Variants in AQP7B observed in about 807,000 individuals in gnomAD.
The protein encoded by AQP7B is aquaporin 7B.
the AQP7B span, among the ~76,000 whole-genome samples, chr2:94,599,914 T>C: frequency 1.3e-5 from 2 of 151,854 alleles, no homozygotes; most frequent in Non-Finnish European, 2.9e-5. Flanking sequence ...AGTCTTGCTC[T>C]GTCGCCCAGG....
At chr2:94,587,724 G>C in the AQP7B span, among the ~76,000 whole-genome samples, 72 of 152,220 alleles carry the variant, frequency 4.7e-4, no homozygotes, top group African/African-American at 1.7e-3. Flanking sequence ...GGGGTGGGAC[G>C]AAGAGAGAGC....
chr2:94,589,904 C>G, the AQP7B span, among the ~76,000 whole-genome samples: 2 of 152,120 alleles, frequency 1.3e-5, no homozygotes, highest in African/African-American at 4.8e-5. Flanking sequence ...CATCCAGTCA[C>G]CAATCTCCTA....
chr2:94,597,400 T>C, the AQP7B span, among the ~76,000 whole-genome samples: 1 of 152,278 alleles, frequency 6.6e-6, no homozygotes, highest in African/African-American at 2.4e-5. Context: ...AGATTTTCAT[T>C]GAGCACCTAA....
chr2:94,599,556 C>A, the AQP7B span, among the ~76,000 whole-genome samples: 2 of 152,120 alleles, frequency 1.3e-5, no homozygotes, highest in African/African-American at 4.8e-5. Context: ...GACCCATTAA[C>A]CACCCGTGTA....
the AQP7B span, among the ~76,000 whole-genome samples, chr2:94,591,359 G>A: frequency 3.3e-5 from 5 of 152,258 alleles, no homozygotes; most frequent in East Asian, 1.9e-4. Flanking sequence ...TGAGGGCATC[G>A]CTGAGCTGCC....
chr2:94,592,812 CTTTTTTTTT>C, the AQP7B span, among the ~76,000 whole-genome samples: 8 of 51,754 alleles, frequency 1.5e-4, no homozygotes, highest in African/African-American at 4.8e-4. Context: ...ATTAATTAAG[CTTTTTTTTT>C]TTTTTTTTTT....
chr2:94,588,168 G>A, the AQP7B span, among the ~76,000 whole-genome samples: 1 of 152,046 alleles, frequency 6.6e-6, no homozygotes, highest in South Asian at 2.1e-4. Flanking sequence ...TAAAGGTGTA[G>A]CACGCAAATA....
At chr2:94,603,741 T>C in the AQP7B span, 1 of 1,513,138 alleles carries the variant, frequency 6.6e-7, no homozygotes, top group Admixed American at 1.9e-5. Context: ...TCCAGCTGTG[T>C]CTCTTCACCA....
chr2:94,592,916 T>C, the AQP7B span, among the ~76,000 whole-genome samples: 1 of 143,638 alleles, frequency 7.0e-6, no homozygotes, highest in Non-Finnish European at 1.5e-5. Context: ...CTCTGCCTTC[T>C]GGGCTCAGGC....
the AQP7B span, among the ~76,000 whole-genome samples, chr2:94,598,737 T>A: frequency 3.9e-5 from 6 of 152,334 alleles, 1 homozygote; most frequent in South Asian, 1.2e-3. Context: ...ATTACGTGCA[T>A]GAGTTGCCAG....
At chr2:94,597,269 G>A in the AQP7B span, among the ~76,000 whole-genome samples, 34 of 152,180 alleles carry the variant, frequency 2.2e-4, no homozygotes, top group East Asian at 1.9e-4. Context: ...AGCCCCATGA[G>A]GGCTGTTAAC....
the AQP7B span, among the ~76,000 whole-genome samples, chr2:94,590,774 C>A: frequency 1.3e-5 from 2 of 151,342 alleles, no homozygotes; most frequent in Non-Finnish European, 2.9e-5. Flanking sequence ...AAAACCCCAT[C>A]TCTACAAAAA....
the AQP7B span, among the ~76,000 whole-genome samples, chr2:94,600,618 C>T: frequency 1.3e-5 from 2 of 152,168 alleles, no homozygotes; most frequent in African/African-American, 2.4e-5. Flanking sequence ...TGGCTCATGC[C>T]TGTAATCCCA....
chr2:94,602,635 A>T, the AQP7B span: 1 of 1,576,066 alleles, frequency 6.3e-7, no homozygotes, highest in Non-Finnish European at 8.7e-7. Context: ...CCCAGGGCCT[A>T]CCAGACTGGG....
the AQP7B span, chr2:94,602,422 T>G: frequency 6.8e-7 from 1 of 1,480,254 alleles, no homozygotes; most frequent in South Asian, 1.2e-5. Context: ...GAGCTAGAAC[T>G]GAGCTCTGAG....
At chr2:94,590,453 G>T in the AQP7B span, among the ~76,000 whole-genome samples, 3 of 152,116 alleles carry the variant, frequency 2.0e-5, no homozygotes, top group African/African-American at 7.2e-5. Context: ...CTCCTAAAGT[G>T]TTGGGATTAC....
the AQP7B span, chr2:94,603,658 G>A: frequency 7.6e-7 from 1 of 1,319,770 alleles, no homozygotes; most frequent in African/African-American, 1.5e-5. Context: ...CACTGCCGAT[G>A]TCCTGTGGCT....
chr2:94,596,786 A>G, the AQP7B span, among the ~76,000 whole-genome samples: 1 of 152,014 alleles, frequency 6.6e-6, no homozygotes, highest in African/African-American at 2.4e-5. Context: ...TGCAGCCCCC[A>G]CCTCCCATAC....
chr2:94,594,464 C>T, the AQP7B span, among the ~76,000 whole-genome samples: 1 of 152,216 alleles, frequency 6.6e-6, no homozygotes, highest in Non-Finnish European at 1.5e-5. Flanking sequence ...TTCAGCTCCC[C>T]ACTTGCCCGT....
Sources: allele counts gnomAD v4.1 joint callset (sites outside exome capture counted in the v4.1 genomes callset), GRCh38; gene constraint gnomAD v4.1.1; transcripts MANE v1.5; gene names NCBI Gene and HGNC (gene_info 2026-07-23, HGNC 2026-07-21).